SLC4A10: variants seen among roughly 807,000 people sequenced by gnomAD.
SLC4A10 encodes sodium-driven chloride bicarbonate exchanger.
In SLC4A10, 42 loss-of-function variants were observed where a neutral mutation model predicts 137.7. The ratio of observed to expected loss-of-function variants is 0.30; its 90% CI spans 0.24 to 0.39. The LOEUF is 0.39. SLC4A10 is among the 10% of genes least tolerant of loss of function. The pLI, the probability that SLC4A10 is intolerant of heterozygous loss-of-function variation, is 1.00. For missense variants in SLC4A10, 925 were observed against 1,355.0 expected (o/e 0.68, Z 4.98); for synonymous variants, 474 against 464.1 (o/e 1.02, Z -0.27).
chr2:161,761,701 A>C (rs953880506), intron 1 of SLC4A10, among the ~76,000 whole-genome samples: 3 of 152,090 alleles, frequency 2.0e-5, no homozygotes, highest in Admixed American at 6.6e-5. Context: ...ACTAGGAGAG[A>C]TAGTATTCCT....
At chr2:161,971,186 T>G (rs1698460904) in intron 23 of SLC4A10, among the ~76,000 whole-genome samples, 1 of 152,260 alleles carries the variant, frequency 6.6e-6, no homozygotes, top group Non-Finnish European at 1.5e-5. Flanking sequence ...TTGTTAACTG[T>G]GTGCATAGCA....
At chr2:161,700,141 C>T (rs924563649) in intron 1 of SLC4A10, among the ~76,000 whole-genome samples, 40 of 152,106 alleles carry the variant, frequency 2.6e-4, no homozygotes, top group Non-Finnish European at 3.5e-4. Flanking sequence ...GGTAGAGTAA[C>T]TGACAATTAA....
chr2:161,709,076 G>A (rs2044009525), intron 1 of SLC4A10, among the ~76,000 whole-genome samples: 2 of 151,036 alleles, frequency 1.3e-5, no homozygotes, highest in Admixed American at 1.3e-4. Flanking sequence ...GGAGAGGGCG[G>A]TAAAGGAAGA....
Position 161,983,257 on chromosome 2 carries a change from AT to A in SLC4A10, c.*108del. 1 of 1,534,316 alleles carries A rather than the reference AT, an allele frequency of 6.5e-7. No individual in the cohort carries two copies. The highest frequency in any genetic ancestry group is 8.7e-7 in the Non-Finnish European group (1 of 1,145,292). ...AGACTTGTCTATGACTCGATCTTCA[AT>A]TTATTTTTTACATATATATGAGAAG... On this transcript the variant is annotated 3_prime_UTR_variant, in exon 27 of 27. Coordinates refer to ENST00000446997, the MANE Select transcript of SLC4A10 (RefSeq NM_001178015.2).
intron 1 of SLC4A10, among the ~76,000 whole-genome samples, chr2:161,658,159 T>C (rs2037805793): frequency 1.3e-5 from 2 of 152,220 alleles, no homozygotes; most frequent in African/African-American, 4.8e-5. Context: ...CAGATTGATT[T>C]GCTGTCCTGC....
rs2049915533 is a variant in SLC4A10 at position 161,758,546 on chromosome 2, G to A, written c.49-12427G>A. On this transcript the variant is annotated intron_variant, in intron 1 of 26. Transcript: ENST00000446997. ...CATCTTCATTTTGAAATTATTGACT[G>A]TTCAAATCTAATTTACCTGTAAATC... 2.6e-5 allele frequency among the ~76,000 whole-genome samples: 4 copies of A among 151,804 alleles called. 1 individual carries two copies. In the South Asian group the frequency reaches 8.3e-4, roughly 31 times the overall value.
At chr2:161,904,940 C>T (rs1344224748) in intron 14 of SLC4A10, 31 bp downstream of exon 14, 1 of 1,609,728 alleles carries the variant, frequency 6.2e-7, no homozygotes. Flanking sequence ...GGCCCTTAGC[C>T]TCTTCCTTTT....
At chr2:161,903,517 A>G (rs1683611175) in intron 12 of SLC4A10, among the ~76,000 whole-genome samples, 1 of 152,296 alleles carries the variant, frequency 6.6e-6, no homozygotes, top group South Asian at 2.1e-4. Flanking sequence ...AACTGGAGCC[A>G]TGGTTAAACA....
intron 2 of SLC4A10, among the ~76,000 whole-genome samples, chr2:161,799,923 T>C (rs192015607): frequency 1.9e-3 from 287 of 152,136 alleles, no homozygotes; most frequent in Middle Eastern, 3.4e-3. Context: ...TAGTAAATGG[T>C]CTTCTCCTGT....
chr2:161,886,373 TGTACTTTTGAAGCAC>T (rs2062285064), intron 10 of SLC4A10, among the ~76,000 whole-genome samples: 1 of 152,190 alleles, frequency 6.6e-6, no homozygotes, highest in Admixed American at 6.5e-5. Context: ...TAGAACAGTA[TGTACTTTTGAAGCAC>T]GTACTTTTAA....
intron 1 of SLC4A10, among the ~76,000 whole-genome samples, chr2:161,686,564 A>G (rs1303925690): frequency 1.3e-5 from 2 of 152,184 alleles, no homozygotes; most frequent in Non-Finnish European, 1.5e-5. Flanking sequence ...CCAGTAATTC[A>G]TTCAAAGGAA....
chr2:161,688,516 G>A (rs527646319), intron 1 of SLC4A10, among the ~76,000 whole-genome samples: 2 of 152,058 alleles, frequency 1.3e-5, no homozygotes, highest in Non-Finnish European at 1.5e-5. Context: ...ATTATTTCAC[G>A]TGTTTGTTCT....
rs746116259 is a variant in SLC4A10 at position 161,894,869 on chromosome 2, G to T, written c.1341+44G>T. On this transcript the variant is annotated intron_variant, in intron 11 of 26. Coordinates refer to ENST00000446997, the MANE Select transcript of SLC4A10 (RefSeq NM_001178015.2). Reference sequence around the variant, plus strand: ...ATTCTTTGAAATTGAATTTTTTTTTGTCTTTTAAATGCATGTTTTATTTTA... The same window carrying T: ...ATTCTTTGAAATTGAATTTTTTTTTTTCTTTTAAATGCATGTTTTATTTTA... 60 of 1,224,906 alleles carry T rather than the reference G, an allele frequency of 4.9e-5. No homozygotes were observed. In the South Asian group the frequency reaches 8.2e-4, roughly 17 times the overall value. 75.9% of individuals were successfully genotyped at this position (1,224,906 alleles called of 1,614,324 possible). A position where few individuals can be genotyped will look rare whatever the true frequency, so the allele number is the denominator to read the frequency against.
intron 4 of SLC4A10, among the ~76,000 whole-genome samples, chr2:161,841,932 G>A (rs991238655): frequency 2.0e-5 from 3 of 152,024 alleles, no homozygotes; most frequent in Non-Finnish European, 4.4e-5. Context: ...TTACACAATA[G>A]GGATTATATA....
chr2:161,652,748 C>T (rs1284610252), intron 1 of SLC4A10, among the ~76,000 whole-genome samples: 2 of 150,060 alleles, frequency 1.3e-5, no homozygotes, highest in East Asian at 3.9e-4. Context: ...AGCAACTTTC[C>T]ATTTCCCCTT....
chr2:161,920,769 C>A (rs978012341), intron 15 of SLC4A10, among the ~76,000 whole-genome samples: 1 of 152,134 alleles, frequency 6.6e-6, no homozygotes, highest in African/African-American at 2.4e-5. Flanking sequence ...GTAAAATGGG[C>A]AAAATGTTCA....
chr2:161,782,542 C>T (rs1321905506), intron 2 of SLC4A10, among the ~76,000 whole-genome samples: 3 of 151,376 alleles, frequency 2.0e-5, no homozygotes, highest in East Asian at 1.9e-4. Flanking sequence ...CAAAGATACA[C>T]AATTTACCTG....
chr2:161,886,374 G>T (rs904973348), intron 10 of SLC4A10, among the ~76,000 whole-genome samples: 7 of 152,016 alleles, frequency 4.6e-5, no homozygotes, highest in Non-Finnish European at 8.8e-5. Flanking sequence ...AGAACAGTAT[G>T]TACTTTTGAA....
intron 7 of SLC4A10, among the ~76,000 whole-genome samples, chr2:161,872,616 A>G (rs1351698285): frequency 6.6e-6 from 1 of 150,948 alleles, no homozygotes; most frequent in African/African-American, 2.4e-5. Context: ...TGTTTCAGCC[A>G]CTTGGTATAA....
Sources: allele counts gnomAD v4.1 joint callset (sites outside exome capture counted in the v4.1 genomes callset), GRCh38; gene constraint gnomAD v4.1.1; transcripts MANE v1.5; gene names NCBI Gene and HGNC (gene_info 2026-07-23, HGNC 2026-07-21).